Variants in XPOT observed in about 807,000 individuals in gnomAD.
XPOT encodes exportin-T.
Under a neutral mutation model 128.2 loss-of-function variants are expected in XPOT, and 34 were observed. The observed-to-expected ratio is 0.27, with a 90% CI of 0.20 to 0.35. The LOEUF is 0.35. Ranked by LOEUF, XPOT falls within the 10% of genes least tolerant of loss-of-function variation. The pLI, the probability that XPOT is intolerant of heterozygous loss-of-function variation, is 1.00. For synonymous variants in XPOT, 348 were observed against 394.3 expected (o/e 0.88, Z 1.39); for missense variants, 838 against 1,125.3 (o/e 0.74, Z 3.65).
intron 23 of XPOT, among the ~76,000 whole-genome samples, chr12:64,442,323 C>T (rs1048782937): frequency 2.0e-5 from 3 of 151,894 alleles, no homozygotes; most frequent in South Asian, 2.1e-4. Context: ...TTAGTAGAGA[C>T]GGGGTCACCA....
chr12:64,434,779 G>A lies in XPOT; in HGVS notation c.2570-15G>A. ...ACTTTTATATATAAGATGAAAATTT[G>A]AATTCTCTTGACAGGAGGTAAAGAT... On this transcript the variant is annotated splice_polypyrimidine_tract_variant and intron_variant, in intron 20 of 24. Coordinates refer to ENST00000332707, the MANE Select transcript of XPOT (RefSeq NM_007235.6). 6.2e-7 allele frequency: 1 copy of A among 1,607,732 alleles called. No homozygotes were observed. The highest frequency in any genetic ancestry group is 8.5e-7 in the Non-Finnish European group (1 of 1,177,214).
Position 64,425,379 on chromosome 12 carries a change from G to A in XPOT, c.1494G>A (p.Val498=). The A allele has an allele frequency of 6.2e-7, 1 of 1,613,456 alleles. No individual in the cohort carries two copies. The highest frequency in any genetic ancestry group is 8.5e-7 in the Non-Finnish European group (1 of 1,179,962). The change falls in exon 14 of 25, where the codon GTG becomes GTA. Residue 498 remains valine, a synonymous_variant. Coordinates refer to ENST00000332707, the MANE Select transcript of XPOT (RefSeq NM_007235.6). Reference sequence around the variant, plus strand: ...TCAGTTCCTATCAGCATACATCTGTGACATTGGAGTTCTTCGAAACTGTTG... The same window carrying A: ...TCAGTTCCTATCAGCATACATCTGTAACATTGGAGTTCTTCGAAACTGTTG... ...SGVSSYQHTS[V]TLEFFETVVR...
chr12:64,424,082 T>C (rs1053552086), intron 11 of XPOT, among the ~76,000 whole-genome samples: 2 of 152,200 alleles, frequency 1.3e-5, no homozygotes, highest in African/African-American at 4.8e-5. Flanking sequence ...AGGATAATAG[T>C]GGTGCTGACC....
At chr12:64,426,302 A>AG (rs2040191942) in intron 15 of XPOT, among the ~76,000 whole-genome samples, 1 of 151,234 alleles carries the variant, frequency 6.6e-6, no homozygotes, top group South Asian at 2.1e-4. Context: ...CAGTCTCAAA[A>AG]AAAAAAAAAA....
rs2040276350 is a variant in XPOT at position 64,435,628 on chromosome 12, C to T, written c.2687C>T (p.Ala896Val). ...FDLADAQTVLALSECAVTLKT... is the reference protein window; with the variant it reads ...FDLADAQTVLVLSECAVTLKT... Reference sequence around the variant, plus strand: ...AATTCTTAAACTTGTTTTTCACAGGCTTTATCTGAGTGTGCAGTGACACTG... The same window carrying T: ...AATTCTTAAACTTGTTTTTCACAGGTTTTATCTGAGTGTGCAGTGACACTG... The change falls in exon 22 of 25, where the codon GCT (alanine) becomes GTT (valine). Residue 896 changes from alanine (A) to valine (V), a missense_variant and splice_region_variant. Ala to Val is a moderately conservative substitution (Grantham distance 64). Around this residue, in one of 3 missense-constraint regions of XPOT, gnomAD observed 56 missense variants for 79.2 expected, o/e 0.71. Coordinates refer to ENST00000332707, the MANE Select transcript of XPOT (RefSeq NM_007235.6). The T allele has an allele frequency of 6.3e-7, 1 of 1,595,694 alleles. No homozygotes were observed. The highest frequency in any genetic ancestry group is 1.7e-5 in the Admixed American group (1 of 58,604).
rs138458082 is a variant in XPOT at position 64,415,572 on chromosome 12, G to A, written c.143+583G>A. On this transcript the variant is annotated intron_variant, in intron 3 of 24. Transcript: ENST00000332707. ...TTGTATTTCTTTTTGGTGGAGACAGGGTTTCACTGTGTTGGCCAGGATGGT... is the reference window on the plus strand; with the variant it reads ...TTGTATTTCTTTTTGGTGGAGACAGAGTTTCACTGTGTTGGCCAGGATGGT... 1.2e-3 allele frequency among the ~76,000 whole-genome samples: 179 copies of A among 152,034 alleles called. 2 individuals are homozygous for A. The highest frequency in any genetic ancestry group is 4.0e-3 in the African/African-American group (167 of 41,484).
intron 1 of XPOT, among the ~76,000 whole-genome samples, chr12:64,407,932 A>G (rs1044263603): frequency 1.3e-5 from 2 of 152,160 alleles, no homozygotes; most frequent in African/African-American, 4.8e-5. Context: ...GCTCAGAGGA[A>G]AACAGAAAAG....
chr12:64,435,799 G>T, intron 22 of XPOT, 125 bp downstream of exon 22: 1 of 896,434 alleles, frequency 1.1e-6, no homozygotes. Context: ...GGGGAAAGGG[G>T]ATGAATGAAA....
intron 6 of XPOT, among the ~76,000 whole-genome samples, chr12:64,419,302 TATTAC>T (rs2040117140): frequency 1.3e-5 from 2 of 152,068 alleles, no homozygotes; most frequent in Admixed American, 1.3e-4. Flanking sequence ...GAAATTAAAG[TATTAC>T]ATTACATTTT....
At chr12:64,432,174 T>A (rs1439521047) in intron 18 of XPOT, among the ~76,000 whole-genome samples, 1 of 152,198 alleles carries the variant, frequency 6.6e-6, no homozygotes, top group Non-Finnish European at 1.5e-5. Context: ...TGTATTAAAG[T>A]CAGTTTTCTG....
rs192190933 is a variant in XPOT, at chr12:64,423,320, T to C, written c.1182+76T>C. 3,855 of 1,004,110 alleles carry C rather than the reference T, an allele frequency of 3.8e-3. 44 individuals carry two copies. The highest frequency in any genetic ancestry group is 0.028 in the South Asian group (1,638 of 57,492). 62.2% of individuals were successfully genotyped at this position (1,004,110 alleles called of 1,614,324 possible). On this transcript the variant is annotated intron_variant, in intron 11 of 24. Transcript: ENST00000332707. ...ATCAAATTAATATTTCAAGTTCTTA[T>C]TGTTTCGGGGCCCTTTAAAACATGA...
intron 9 of XPOT, 75 bp downstream of exon 9, chr12:64,421,546 A>G (rs2040138537): frequency 9.8e-7 from 1 of 1,017,354 alleles, no homozygotes; most frequent in Non-Finnish European, 1.5e-6. Flanking sequence ...ATATGGAAAA[A>G]TTAAAAATGA....
chr12:64,408,119 G>A (rs1357828238), intron 1 of XPOT, among the ~76,000 whole-genome samples: 1 of 151,300 alleles, frequency 6.6e-6, no homozygotes, highest in Non-Finnish European at 1.5e-5. Context: ...GCCTTTTTTT[G>A]TTTTTTTTGA....
intron 11 of XPOT, among the ~76,000 whole-genome samples, chr12:64,423,654 G>C (rs923259477): frequency 6.6e-6 from 1 of 151,950 alleles, no homozygotes; most frequent in African/African-American, 2.4e-5. Flanking sequence ...GGGTTTCGCC[G>C]TGTTGGCCAA....
At chr12:64,427,101 T>C (rs912515343) in intron 15 of XPOT, among the ~76,000 whole-genome samples, 1 of 151,052 alleles carries the variant, frequency 6.6e-6, no homozygotes, top group Non-Finnish European at 1.5e-5. Context: ...TCAGGTCAGG[T>C]AGATGTACTC....
intron 22 of XPOT, among the ~76,000 whole-genome samples, chr12:64,438,813 A>G (rs2040303014): frequency 6.6e-6 from 1 of 151,952 alleles, no homozygotes. Context: ...TATTTTTGGT[A>G]GAAACAGGGT....
chr12:64,424,024 A>G (rs1451750727), intron 11 of XPOT, among the ~76,000 whole-genome samples: 2 of 152,102 alleles, frequency 1.3e-5, no homozygotes, highest in Non-Finnish European at 2.9e-5. Flanking sequence ...TTTGTTCTAA[A>G]GTGTTGTATT....
intron 5 of XPOT, 105 bp downstream of exon 5, chr12:64,418,220 A>G: frequency 3.5e-6 from 3 of 857,878 alleles, no homozygotes; most frequent in Non-Finnish European, 5.4e-6. Flanking sequence ...GTGTTCCTCC[A>G]TTTGATTTCA....
At chr12:64,447,982 G>A in intron 24 of XPOT, 123 bp from the exon 25 acceptor site, 1 of 859,744 alleles carries the variant, frequency 1.2e-6, no homozygotes, top group East Asian at 2.5e-5. Context: ...GATATATAAG[G>A]CATGCGAAAT....
Sources: gnomAD v4.1 joint callset for allele counts (sites outside exome capture counted in the v4.1 genomes callset) on GRCh38, gnomAD v4.1.1 for gene constraint, gnomAD v4.1.1 regional missense constraint, MANE v1.5 for transcripts, NCBI Gene and HGNC (gene_info 2026-07-23, HGNC 2026-07-21) for gene names.